CASK: variants seen among roughly 807,000 people sequenced by gnomAD.
CASK encodes the protein calcium/calmodulin dependent serine protein kinase.
In CASK, 4 loss-of-function variants were observed where a neutral mutation model predicts 82.9. That is an observed-to-expected ratio of 0.05 (90% CI 0.02 to 0.11). The LOEUF is 0.11. Among genes scored for constraint, CASK ranks in the 10% least tolerant of loss-of-function variants. The pLI is 1.00. For synonymous variants in CASK, 259 were observed against 253.5 expected, an observed-to-expected ratio of 1.02 and a Z score of -0.20; for missense variants, 358 against 720.9, an observed-to-expected ratio of 0.50 and a Z score of 5.76.
intron 25 of CASK, 30 bp from the exon 26 acceptor site, chrX:41,524,064 ACT>A: frequency 2.0e-6 from 2 of 987,886 alleles, no homozygotes; most frequent in Non-Finnish European, 2.8e-6. Flanking sequence ...AAAAATCCCG[ACT>A]TAAAAGAAGA....
rs2065150683 is a variant in CASK at position 41,555,614 on chromosome X, G to T, written c.1828C>A (p.Pro610Thr). Residue 610 changes from proline to threonine, a missense_variant, in exon 20 of 27, where the codon CCA becomes ACA. Transcript: ENST00000378163. ...SVSDLPSTTQPKGRQIYVRAQ... is the reference protein window; with the variant it reads ...SVSDLPSTTQTKGRQIYVRAQ... ...TATCTATTCACCTGTCGTCCTTTTG[G>T]TTGGGTAGTTGATGGCAAGTCCTGT... 4 of 1,202,610 alleles carry T rather than the reference G, an allele frequency of 3.3e-6. No homozygotes were observed. The highest frequency in any genetic ancestry group is 4.5e-6 in the Non-Finnish European group (4 of 888,776).
chrX:41,759,768 G>A (rs1206721330), intron 3 of CASK, among the ~76,000 whole-genome samples: 4 of 111,038 alleles, frequency 3.6e-5, no homozygotes, highest in Admixed American at 2.9e-4. Flanking sequence ...TTGTTTCTTC[G>A]AAAAAAAGAC....
intron 5 of CASK, chrX:41,727,638 C>T (rs1020254631): frequency 2.5e-6 from 3 of 1,207,403 alleles, no homozygotes; most frequent in African/African-American, 3.5e-5. Context: ...TTGCAGGTCT[C>T]ATTGGAACCA....
At chrX:41,610,436 G>A (rs759220909) in intron 11 of CASK, among the ~76,000 whole-genome samples, 1 of 111,917 alleles carries the variant, frequency 8.9e-6, no homozygotes, top group Non-Finnish European at 1.9e-5. Context: ...ATCAAGAACT[G>A]AAGGTAAAGC....
In CASK at chrX:41,516,321, T is replaced by G. The variant is rs1206761439; in HGVS notation, c.*4099A>C. 8.9e-6 allele frequency: 1 copy of G among 112,811 alleles called. No homozygotes were observed. The highest frequency in any genetic ancestry group is 1.9e-5 in the Non-Finnish European group (1 of 53,362). 9.3% of individuals were successfully genotyped at this position (112,811 alleles called of 1,213,427 possible). On this transcript the variant is annotated 3_prime_UTR_variant, in exon 27 of 27. Coordinates refer to ENST00000378163, the MANE Select transcript of CASK (RefSeq NM_001367721.1). The stretch of plus-strand genomic sequence containing the variant: ...AGTTTAAGGCAAACTGATGTGTGTG[T>G]GCACAGGCAAAGCCAATCAAGCCAT...
intron 2 of CASK, among the ~76,000 whole-genome samples, chrX:41,806,793 T>A (rs750708885): frequency 8.9e-6 from 1 of 112,136 alleles, no homozygotes; most frequent in Non-Finnish European, 1.9e-5. Context: ...TGTGTATGTA[T>A]GTGTATGTAA....
At chrX:41,643,233 G>C (rs932934505) in intron 8 of CASK, among the ~76,000 whole-genome samples, 3 of 111,852 alleles carry the variant, frequency 2.7e-5, no homozygotes, top group African/African-American at 9.8e-5. Flanking sequence ...TTTTTGCTTA[G>C]GATTGATTGT....
chrX:41,746,232 T>C (rs2068685541), intron 3 of CASK, among the ~76,000 whole-genome samples: 1 of 111,274 alleles, frequency 9.0e-6, no homozygotes, highest in African/African-American at 3.3e-5. Flanking sequence ...TGGCCACACC[T>C]TGCCTCTTCT....
rs2064561270 is a variant in CASK at position 41,517,089 on chromosome X, T to C, written c.*3331A>G. Reference sequence around the variant, plus strand: ...ATCAAAGGCTGTAAAAAGGTAACAGTAGCTGCAGCCCAGGCCTGCCTGGAG... The same window carrying C: ...ATCAAAGGCTGTAAAAAGGTAACAGCAGCTGCAGCCCAGGCCTGCCTGGAG... On this transcript the variant is annotated 3_prime_UTR_variant, in exon 27 of 27. Coordinates refer to ENST00000378163, the MANE Select transcript of CASK (RefSeq NM_001367721.1). 1 of 112,761 alleles carries C rather than the reference T, an allele frequency of 8.9e-6. No individual in the cohort carries two copies. Among genetic ancestry groups the C allele is most frequent in the African/African-American group, 3.2e-5 (1 of 31,006 alleles). 9.3% of individuals were successfully genotyped at this position (112,761 alleles called of 1,213,427 possible).
chrX:41,802,304 G>A (rs1050027442), intron 2 of CASK, among the ~76,000 whole-genome samples: 5 of 110,881 alleles, frequency 4.5e-5, no homozygotes, highest in African/African-American at 6.6e-5. Context: ...GCTAAACCAC[G>A]AGACTCAAAC....
At chrX:41,663,693 A>G (rs549320234) in intron 7 of CASK, among the ~76,000 whole-genome samples, 7 of 112,148 alleles carry the variant, frequency 6.2e-5, no homozygotes, top group African/African-American at 1.9e-4. Flanking sequence ...GCAAATGCCT[A>G]TAACTCAAAA....
intron 1 of CASK, among the ~76,000 whole-genome samples, chrX:41,853,746 T>C (rs1237594187): frequency 2.7e-5 from 3 of 111,872 alleles, no homozygotes; most frequent in Admixed American, 9.5e-5. Context: ...CCTACCATCT[T>C]CTACTAGAAC....
chrX:41,593,608 A>G (rs2065777014), intron 12 of CASK, among the ~76,000 whole-genome samples: 3 of 111,839 alleles, frequency 2.7e-5, no homozygotes, highest in African/African-American at 6.5e-5. Context: ...ACAACTGGCA[A>G]TGATCTCAGT....
chrX:41,712,661 C>T (rs377576938), intron 5 of CASK, among the ~76,000 whole-genome samples: 2 of 112,457 alleles, frequency 1.8e-5, no homozygotes, highest in African/African-American at 3.2e-5. Context: ...TCTTGTAAAA[C>T]GAATGAAAGG....
chrX:41,727,061 T>C (rs1394779968), intron 5 of CASK: 3 of 1,173,089 alleles, frequency 2.6e-6, no homozygotes, highest in Non-Finnish European at 3.5e-6. Flanking sequence ...CAACCATCTA[T>C]GATCTCTTCC....
rs143185379 is a variant in CASK, at chrX:41,542,009, C to T, written c.2155+682G>A. On this transcript the variant is annotated intron_variant, in intron 22 of 26. Coordinates refer to ENST00000378163, the MANE Select transcript of CASK (RefSeq NM_001367721.1). ...GATTCTATTGCAACAACAGATCATG[C>T]CTTTTTGGTATTAATTCCAGTTTTC... Among the ~76,000 whole-genome samples the T allele has an allele frequency of 4.5e-3, 508 of 112,106 alleles. 4 individuals carry two copies. Among genetic ancestry groups the T allele is most frequent in the African/African-American group, 0.016 (486 of 30,902 alleles).
intron 5 of CASK, among the ~76,000 whole-genome samples, chrX:41,681,051 C>T (rs1272775298): frequency 1.8e-5 from 2 of 111,831 alleles, no homozygotes; most frequent in Non-Finnish European, 3.8e-5. Flanking sequence ...TGTGTGGGTC[C>T]ACTTATACAT....
intron 12 of CASK, among the ~76,000 whole-genome samples, chrX:41,592,978 A>G (rs2065768792): frequency 8.9e-6 from 1 of 112,004 alleles, no homozygotes; most frequent in African/African-American, 3.2e-5. Context: ...GAAAATACTC[A>G]GACCAAATTT....
intron 12 of CASK, among the ~76,000 whole-genome samples, chrX:41,608,894 T>G (rs2065996649): frequency 8.9e-6 from 1 of 112,152 alleles, no homozygotes; most frequent in African/African-American, 3.2e-5. Context: ...TAAAGTAATG[T>G]GCAAAGCAAT....
Sources: allele counts gnomAD v4.1 joint callset (sites outside exome capture counted in the v4.1 genomes callset), GRCh38; gene constraint gnomAD v4.1.1; transcripts MANE v1.5; gene names NCBI Gene and HGNC (gene_info 2026-07-23, HGNC 2026-07-21).